CCDC66: variants seen among roughly 807,000 people sequenced by gnomAD.
CCDC66 encodes the protein coiled-coil domain containing 66.
CCDC66 carries 133 observed loss-of-function variants against 128.3 expected under a neutral mutation model. The observed-to-expected ratio is 1.04, with a 90% CI of 0.90 to 1.20. The LOEUF is 1.20. CCDC66 is among the 50% of genes most tolerant of loss of function. CCDC66 has a pLI of 0.00. For synonymous variants in CCDC66, 387 were observed against 357.0 expected (o/e 1.08, Z -0.95); for missense variants, 1,126 against 1,075.5 (o/e 1.05, Z -0.66).
intron 7 of CCDC66, among the ~76,000 whole-genome samples, chr3:56,587,033 C>T (rs1317480196): frequency 6.6e-6 from 1 of 151,752 alleles, no homozygotes; most frequent in African/African-American, 2.4e-5. Context: ...CAGAGCAAGA[C>T]CCTGTCTCTA....
intron 7 of CCDC66, among the ~76,000 whole-genome samples, chr3:56,586,488 A>G (rs999081543): frequency 6.6e-6 from 1 of 151,376 alleles, no homozygotes; most frequent in Non-Finnish European, 1.5e-5. Context: ...CTGAGATCAC[A>G]CCACTGCACT....
intron 8 of CCDC66, 99 bp from the exon 9 acceptor site, chr3:56,593,392 C>T (rs1332799261): frequency 7.5e-7 from 1 of 1,325,170 alleles, no homozygotes; most frequent in Non-Finnish European, 1.0e-6. Context: ...GCTTATTCTG[C>T]TCTAAGGTGA....
chr3:56,568,713 A>G (rs2066222076), intron 6 of CCDC66, among the ~76,000 whole-genome samples: 1 of 152,248 alleles, frequency 6.6e-6, no homozygotes, highest in Admixed American at 6.5e-5. Context: ...AAATAACCAA[A>G]ACATTCTAAT....
At position 56,619,895 on chromosome 3, in the gene CCDC66, G is replaced by GAGAC; in HGVS notation, c.2757_2760dup (p.Gly921ThrfsTer13). On this transcript the variant is annotated frameshift_variant, in exon 17 of 18. Transcript: ENST00000394672. LOFTEE classifies it high-confidence loss of function. ...CAATCCTTAAGGGACTTTCAGAACT[G>GAGAC]AGACAGGTATGAGCTTTTTCAAGTG... The GAGAC allele has an allele frequency of 1.2e-6, 2 of 1,613,800 alleles. No individual in the cohort carries two copies. The highest frequency in any genetic ancestry group is 1.7e-6 in the Non-Finnish European group (2 of 1,179,848).
At chr3:56,598,980 A>G (rs2072646814) in intron 10 of CCDC66, among the ~76,000 whole-genome samples, 1 of 152,000 alleles carries the variant, frequency 6.6e-6, no homozygotes, top group African/African-American at 2.4e-5. Context: ...TTTTTGGAAT[A>G]GTTTGGGAAG....
At chr3:56,604,036 T>C (rs1315868602) in intron 10 of CCDC66, among the ~76,000 whole-genome samples, 1 of 152,098 alleles carries the variant, frequency 6.6e-6, no homozygotes, top group Non-Finnish European at 1.5e-5. Context: ...TTTACCATTA[T>C]GTAATGGCCT....
At chr3:56,584,481 C>T (rs2106770832) in intron 7 of CCDC66, among the ~76,000 whole-genome samples, 1 of 150,966 alleles carries the variant, frequency 6.6e-6, no homozygotes, top group Non-Finnish European at 1.5e-5. Context: ...AGGTGCTCCT[C>T]ACATCCCAGA....
At chr3:56,612,202 A>C (rs1185274642) in intron 10 of CCDC66, among the ~76,000 whole-genome samples, 1 of 152,184 alleles carries the variant, frequency 6.6e-6, no homozygotes, top group African/African-American at 2.4e-5. Context: ...TTTCATATCT[A>C]TGATGGTGGT....
chr3:56,587,979 A>G (rs1476081532), intron 7 of CCDC66, among the ~76,000 whole-genome samples: 1 of 152,262 alleles, frequency 6.6e-6, no homozygotes, highest in African/African-American at 2.4e-5. Context: ...TATACGGAAA[A>G]GATACTTGGA....
rs146646756 is a variant in CCDC66, at chr3:56,589,407, C to T, written c.937-3563C>T. On this transcript the variant is annotated intron_variant, in intron 7 of 17. Transcript: ENST00000394672. ...TTAGGTTGTTTATAAGGGTAGTAAA[C>T]CTGATACCCAAAACTAACATTTTTT... is the stretch of plus-strand genomic sequence containing the variant. 1.3e-4 allele frequency among the ~76,000 whole-genome samples: 20 copies of T among 152,164 alleles called. 1 individual carries two copies. In the East Asian group the frequency reaches 2.3e-3, roughly 18 times the overall value.
chr3:56,585,305 G>GA (rs2069481653), intron 7 of CCDC66, among the ~76,000 whole-genome samples: 1 of 151,468 alleles, frequency 6.6e-6, no homozygotes, highest in South Asian at 2.1e-4. Context: ...TCATAGGAAA[G>GA]AAAAAAGACT....
intron 10 of CCDC66, among the ~76,000 whole-genome samples, chr3:56,594,593 G>A (rs919485972): frequency 2.0e-5 from 3 of 151,816 alleles, no homozygotes; most frequent in Non-Finnish European, 2.9e-5. Context: ...TGAGGTGGGA[G>A]AATGGCATGA....
At chr3:56,613,840 G>A (rs1453086793) in intron 11 of CCDC66, 90 bp downstream of exon 11, 6 of 1,067,438 alleles carry the variant, frequency 5.6e-6, no homozygotes, top group Non-Finnish European at 5.5e-6. Context: ...GAGTGCAGTG[G>A]TGCAATCATA....
chr3:56,558,803 C>T (rs1009046745), intron 1 of CCDC66, 43 bp from the exon 2 acceptor site: 9 of 1,259,826 alleles, frequency 7.1e-6, no homozygotes, highest in South Asian at 2.6e-5. Context: ...TAAAATGTTG[C>T]GGTTTGTTAA....
chr3:56,570,237 A>T (rs1183326966), intron 6 of CCDC66: 9 of 152,192 alleles, frequency 5.9e-5, no homozygotes, highest in Admixed American at 2.0e-4. Flanking sequence ...CTTGGAATTT[A>T]AATTTATACA....
intron 7 of CCDC66, among the ~76,000 whole-genome samples, chr3:56,576,196 A>AT (rs1221831201): frequency 6.7e-6 from 1 of 150,014 alleles, no homozygotes; most frequent in African/African-American, 2.4e-5. Context: ...TGTGTCTTTA[A>AT]TTTTTTTTCA....
chr3:56,574,919 T>C (rs2067155549), intron 7 of CCDC66, among the ~76,000 whole-genome samples: 1 of 151,870 alleles, frequency 6.6e-6, no homozygotes, highest in Non-Finnish European at 1.5e-5. Flanking sequence ...GTATATACCA[T>C]GTTTTCTTTA....
At chr3:56,582,314 C>T (rs897268276) in intron 7 of CCDC66, among the ~76,000 whole-genome samples, 8 of 151,854 alleles carry the variant, frequency 5.3e-5, no homozygotes, top group African/African-American at 9.7e-5. Flanking sequence ...CCGTCTGTCA[C>T]GGCTTCCCTT....
chr3:56,564,253 AT>A, intron 4 of CCDC66, 128 bp downstream of exon 4: 1 of 675,112 alleles, frequency 1.5e-6, no homozygotes, highest in Non-Finnish European at 2.4e-6. Flanking sequence ...TATTAAAATA[AT>A]TGTTCTTTTA....
Sources: gnomAD v4.1 joint callset for allele counts (sites outside exome capture counted in the v4.1 genomes callset) on GRCh38, gnomAD v4.1.1 for gene constraint, MANE v1.5 for transcripts, NCBI Gene and HGNC (gene_info 2026-07-23, HGNC 2026-07-21) for gene names.